The following ARMC3 variants were observed in gnomAD, a reference collection of about 807,000 sequenced individuals.
ARMC3 encodes armadillo repeat containing 3.
A neutral mutation model predicts 90.3 loss-of-function variants in ARMC3; 74 were observed. That is an observed-to-expected ratio of 0.82 (90% CI 0.68 to 0.99). The LOEUF (loss-of-function observed/expected upper bound fraction) is 0.99. Among genes scored for constraint, ARMC3 ranks in the 50% least tolerant of loss-of-function variants. The pLI is 0.00. For synonymous variants in ARMC3, 334 were observed against 361.8 expected, an observed-to-expected ratio of 0.92 and a Z score of 0.87; for missense variants, 958 against 1,042.8, an observed-to-expected ratio of 0.92 and a Z score of 1.12.
chr10:23,003,528 G>T (rs1588904020), intron 13 of ARMC3, 114 bp downstream of exon 13: 1 of 950,874 alleles, frequency 1.1e-6, no homozygotes, highest in Non-Finnish European at 1.5e-6. Context: ...ATTTTTACAG[G>T]CAGAAACTTG....
chr10:22,950,873 C>T (rs1043251228), intron 3 of ARMC3, among the ~76,000 whole-genome samples: 35 of 151,072 alleles, frequency 2.3e-4, no homozygotes, highest in African/African-American at 7.5e-4. Context: ...AAGAGTAGTA[C>T]CAGAGATAAA....
intron 16 of ARMC3, among the ~76,000 whole-genome samples, chr10:23,011,312 A>G (rs1361517469): frequency 6.6e-6 from 1 of 152,188 alleles, no homozygotes; most frequent in Non-Finnish European, 1.5e-5. Context: ...TCTGGAGCAA[A>G]TGGGTTACCT....
At chr10:22,933,036 A>G (rs1274882172) in intron 2 of ARMC3, among the ~76,000 whole-genome samples, 1 of 152,254 alleles carries the variant, frequency 6.6e-6, no homozygotes, top group Non-Finnish European at 1.5e-5. Context: ...ATCTATTATC[A>G]TGAGAATCCT....
chr10:23,020,254 A>C (rs1838457188), intron 16 of ARMC3, among the ~76,000 whole-genome samples: 1 of 152,064 alleles, frequency 6.6e-6, no homozygotes. Flanking sequence ...TAGCCTCCCG[A>C]GTAGCTGGGA....
At chr10:23,012,362 C>A (rs1338403231) in intron 16 of ARMC3, among the ~76,000 whole-genome samples, 1 of 152,134 alleles carries the variant, frequency 6.6e-6, no homozygotes, top group Non-Finnish European at 1.5e-5. Flanking sequence ...TCTTCTCATC[C>A]TTTGCAATAC....
chr10:22,995,626 A>G (rs1295412651), intron 10 of ARMC3, among the ~76,000 whole-genome samples: 3 of 152,220 alleles, frequency 2.0e-5, no homozygotes, highest in Non-Finnish European at 4.4e-5. Flanking sequence ...ATATAAATGA[A>G]CCAAGTCAAA....
intron 2 of ARMC3, among the ~76,000 whole-genome samples, chr10:22,937,743 A>G (rs1324886407): frequency 2.0e-5 from 3 of 152,318 alleles, no homozygotes; most frequent in Non-Finnish European, 4.4e-5. Flanking sequence ...TACACAGTTA[A>G]GGCACTTTAA....
chr10:22,960,285 G>C (rs2131253907), intron 6 of ARMC3: 1 of 154,966 alleles, frequency 6.5e-6, no homozygotes, highest in Non-Finnish European at 1.4e-5. Context: ...AAATTGGAAA[G>C]ACACAAATTT....
At chr10:22,936,488 AGCCTATG>A (rs1427703230) in intron 2 of ARMC3, among the ~76,000 whole-genome samples, 3 of 152,224 alleles carry the variant, frequency 2.0e-5, no homozygotes, top group African/African-American at 7.2e-5. Flanking sequence ...TATCTCTAGA[AGCCTATG>A]GCCACTCTAA....
chr10:23,009,494 T>TTTTGC (rs1396044940), intron 16 of ARMC3, among the ~76,000 whole-genome samples: 1 of 151,988 alleles, frequency 6.6e-6, no homozygotes, highest in Non-Finnish European at 1.5e-5. Flanking sequence ...CTGTGTTTTG[T>TTTTGC]TTTGTTTTGT....
chr10:23,000,124 T>C (rs1237929126), intron 11 of ARMC3, among the ~76,000 whole-genome samples: 1 of 152,128 alleles, frequency 6.6e-6, no homozygotes, highest in Non-Finnish European at 1.5e-5. Context: ...AACGTTAAGC[T>C]GCTCAGCAAC....
Position 23,001,918 on chromosome 10 carries a change from G to A in ARMC3, c.1426-1G>A. Reference sequence around the variant, plus strand: ...TGTAACATTTTGGTTTCTGCTTTTAGTTAAGAAATTCTGGTGGATTGGAGC... The same window carrying A: ...TGTAACATTTTGGTTTCTGCTTTTAATTAAGAAATTCTGGTGGATTGGAGC... On this transcript the variant is annotated splice_acceptor_variant, in intron 11 of 18. Coordinates refer to ENST00000298032, the MANE Select transcript of ARMC3 (RefSeq NM_173081.5). LOFTEE classifies it high-confidence loss of function. The A allele has an allele frequency of 6.2e-7, 1 of 1,613,094 alleles. No homozygotes were observed.
At position 22,985,958 on chromosome 10, in the gene ARMC3, G is replaced by A. The variant is rs745694288; in HGVS notation, c.1175+4258G>A. Among the ~76,000 whole-genome samples the A allele has an allele frequency of 5.9e-5, 9 of 152,098 alleles. No individual in the cohort carries two copies. In the South Asian group the frequency reaches 1.0e-3, roughly 18 times the overall value. On this transcript the variant is annotated intron_variant, in intron 10 of 18. Transcript: ENST00000298032. ...GCGAAGCTACTTAGCATTACCACAC[G>A]GCTTAAGATTGCACTCCACACATGC...
intron 10 of ARMC3, among the ~76,000 whole-genome samples, chr10:22,996,351 A>G (rs1477250921): frequency 6.6e-6 from 1 of 152,198 alleles, no homozygotes; most frequent in East Asian, 1.9e-4. Context: ...TCCCCTAGGA[A>G]AGGAAATTAA....
chr10:22,963,082 G>C (rs1449807242), intron 7 of ARMC3, among the ~76,000 whole-genome samples: 1 of 152,094 alleles, frequency 6.6e-6, no homozygotes, highest in Non-Finnish European at 1.5e-5. Flanking sequence ...GGGTTTATCT[G>C]ATATGCCATA....
At chr10:22,987,334 A>G (rs775451786) in intron 10 of ARMC3, among the ~76,000 whole-genome samples, 2 of 152,216 alleles carry the variant, frequency 1.3e-5, no homozygotes, top group South Asian at 2.1e-4. Context: ...CTATTACTTT[A>G]TAACATCACT....
intron 13 of ARMC3, among the ~76,000 whole-genome samples, chr10:23,005,235 C>G (rs1267181824): frequency 2.9e-5 from 4 of 139,178 alleles, no homozygotes; most frequent in African/African-American, 1.1e-4. Context: ...AAAAAAAAAC[C>G]AAACCAAGGG....
intron 15 of ARMC3, among the ~76,000 whole-genome samples, 171 bp from the exon 16 acceptor site, chr10:23,008,644 C>T (rs756597239): frequency 6.6e-5 from 10 of 152,090 alleles, no homozygotes; most frequent in Middle Eastern, 6.8e-3. Flanking sequence ...TAGCTGTGGA[C>T]GAAATAACAC....
chr10:22,956,015 T>C, intron 4 of ARMC3, 83 bp downstream of exon 4: 2 of 1,310,138 alleles, frequency 1.5e-6, no homozygotes, highest in Non-Finnish European at 2.1e-6. Flanking sequence ...AAGGAATTTG[T>C]TTCAATTTTA....
Sources: gnomAD v4.1 joint callset for allele counts (sites outside exome capture counted in the v4.1 genomes callset) on GRCh38, gnomAD v4.1.1 for gene constraint, MANE v1.5 for transcripts, NCBI Gene and HGNC (gene_info 2026-07-23, HGNC 2026-07-21) for gene names.